The following CTNNA3 variants were observed in gnomAD, a reference collection of about 807,000 sequenced individuals.
CTNNA3 encodes the protein catenin alpha-3.
CTNNA3 carries 76 observed loss-of-function variants against 95.7 expected under a neutral mutation model. The ratio of observed to expected loss-of-function variants is 0.79; its 90% confidence interval spans 0.66 to 0.96. The LOEUF (loss-of-function observed/expected upper bound fraction) is 0.96, where lower values mean the gene tolerates loss of function less well. CTNNA3 is among the 40% of genes least tolerant of loss of function. The pLI is 0.00. For synonymous variants in CTNNA3, 431 were observed against 374.4 expected (o/e 1.15, Z -1.74); for missense variants, 1,191 against 1,089.8 (o/e 1.09, Z -1.31).
At chr10:67,216,496 C>T (rs1277746183) in intron 6 of CTNNA3, among the ~76,000 whole-genome samples, 1 of 152,142 alleles carries the variant, frequency 6.6e-6, no homozygotes, top group African/African-American at 2.4e-5. Context: ...ACTGCAAAAT[C>T]ACAAAATGGC....
At chr10:66,967,258 C>CT (rs940153898) in intron 7 of CTNNA3, among the ~76,000 whole-genome samples, 3 of 151,498 alleles carry the variant, frequency 2.0e-5, no homozygotes, top group Non-Finnish European at 4.4e-5. Context: ...AAAACATTGT[C>CT]TTATATAAGC....
intron 7 of CTNNA3, among the ~76,000 whole-genome samples, chr10:66,902,125 T>C (rs926474007): frequency 4.6e-5 from 7 of 152,154 alleles, no homozygotes; most frequent in Non-Finnish European, 8.8e-5. Context: ...GACCACATGA[T>C]TGGAAGTAAA....
At chr10:66,409,512 A>T (rs899056300) in intron 11 of CTNNA3, among the ~76,000 whole-genome samples, 15 of 152,316 alleles carry the variant, frequency 9.8e-5, no homozygotes, top group African/African-American at 3.6e-4. Flanking sequence ...TAATAAAATA[A>T]ATATAGCCAA....
At chr10:66,628,616 T>G (rs1845022318) in intron 9 of CTNNA3, among the ~76,000 whole-genome samples, 1 of 152,160 alleles carries the variant, frequency 6.6e-6, no homozygotes, top group Non-Finnish European at 1.5e-5. Context: ...AAAGGAGACT[T>G]GGGCTTCTTT....
chr10:66,401,518 AACACACACACAC>A (rs140986771), intron 11 of CTNNA3, among the ~76,000 whole-genome samples: 17,392 of 143,954 alleles, frequency 0.12, 1,338 homozygotes, highest in Middle Eastern at 0.2. Flanking sequence ...TGTGTCTCAA[AACACACACACAC>A]ACACACACAC....
intron 11 of CTNNA3, among the ~76,000 whole-genome samples, chr10:66,404,935 G>A (rs760133099): frequency 9.2e-5 from 14 of 152,172 alleles, no homozygotes; most frequent in South Asian, 2.1e-4. Context: ...TCCAAAGAGA[G>A]GGGAGATGTG....
Position 66,272,940 on chromosome 10 carries a change from C to G in CTNNA3, c.1884+7530G>C, listed in dbSNP as rs1302710594. Reference sequence around the variant, plus strand: ...TGTCTTCCACCCACAAATTTAATGCCTTTTCCATCTTAACTAAGCACTTAT... The same window carrying G: ...TGTCTTCCACCCACAAATTTAATGCGTTTTCCATCTTAACTAAGCACTTAT... On this transcript the variant is annotated intron_variant, in intron 13 of 17. Transcript: ENST00000433211. Among the ~76,000 whole-genome samples the G allele has an allele frequency of 3.3e-5, 5 of 152,138 alleles. No individual in the cohort carries two copies. The East Asian group carries it at 9.7e-4, about 29-fold the overall frequency.
intron 9 of CTNNA3, among the ~76,000 whole-genome samples, chr10:66,691,335 G>A (rs1018445149): frequency 5.3e-5 from 8 of 152,268 alleles, no homozygotes; most frequent in Admixed American, 1.3e-4. Flanking sequence ...AGGGTCCTAC[G>A]CCCATGGAGT....
At chr10:66,786,272 T>C (rs775523618) in intron 7 of CTNNA3, among the ~76,000 whole-genome samples, 15 of 152,128 alleles carry the variant, frequency 9.9e-5, no homozygotes, top group African/African-American at 1.4e-4. Context: ...TGTTTTTTTT[T>C]CTCTTGCTGG....
At chr10:67,674,646 G>A (rs868351034) in intron 1 of CTNNA3, among the ~76,000 whole-genome samples, 3 of 152,126 alleles carry the variant, frequency 2.0e-5, no homozygotes, top group Middle Eastern at 3.2e-3. Context: ...ACATGCAAAG[G>A]AGATATCACA....
chr10:66,997,103 A>G (rs1851397898), intron 7 of CTNNA3, among the ~76,000 whole-genome samples: 1 of 152,224 alleles, frequency 6.6e-6, no homozygotes, highest in Non-Finnish European at 1.5e-5. Flanking sequence ...GGCAAGAATA[A>G]GAGCAGAAGA....
chr10:67,467,456 C>A (rs1258330817), intron 5 of CTNNA3, among the ~76,000 whole-genome samples: 1 of 150,470 alleles, frequency 6.6e-6, no homozygotes, highest in African/African-American at 2.5e-5. Context: ...TCATGCCATT[C>A]AAATATTGCT....
chr10:66,025,234 C>A (rs1304636581), intron 15 of CTNNA3, among the ~76,000 whole-genome samples: 1 of 152,152 alleles, frequency 6.6e-6, no homozygotes, highest in Non-Finnish European at 1.5e-5. Context: ...TTAATGAGGA[C>A]AAGGTCACAG....
At chr10:67,277,326 G>A (rs986118244) in intron 5 of CTNNA3, among the ~76,000 whole-genome samples, 2 of 152,158 alleles carry the variant, frequency 1.3e-5, no homozygotes, top group Admixed American at 1.3e-4. Context: ...GTGGTTGTAT[G>A]CAGTTTGAAT....
chr10:66,116,353 A>G (rs1477471588), intron 13 of CTNNA3, among the ~76,000 whole-genome samples: 1 of 152,190 alleles, frequency 6.6e-6, no homozygotes, highest in Non-Finnish European at 1.5e-5. Context: ...TATACACACC[A>G]TAGAATCTAG....
chr10:66,484,698 A>T (rs996823827), intron 11 of CTNNA3, among the ~76,000 whole-genome samples: 3 of 152,084 alleles, frequency 2.0e-5, no homozygotes, highest in Non-Finnish European at 4.4e-5. Flanking sequence ...AACCTCCCAA[A>T]AAAGAAAAGC....
intron 10 of CTNNA3, among the ~76,000 whole-genome samples, chr10:66,579,975 TG>T (rs1232017322): frequency 6.6e-6 from 1 of 151,766 alleles, no homozygotes; most frequent in Non-Finnish European, 1.5e-5. Flanking sequence ...TTATCATGTT[TG>T]GGGTTTGCAT....
chr10:67,500,250 C>T (rs939001983), intron 5 of CTNNA3, among the ~76,000 whole-genome samples: 5 of 152,008 alleles, frequency 3.3e-5, no homozygotes, highest in African/African-American at 4.8e-5. Flanking sequence ...TTGAGTGAAT[C>T]TCTTAAACCT....
At chr10:67,584,594 C>T (rs887332733) in intron 3 of CTNNA3, among the ~76,000 whole-genome samples, 2 of 152,216 alleles carry the variant, frequency 1.3e-5, no homozygotes, top group African/African-American at 4.8e-5. Flanking sequence ...CTCTTCAAAG[C>T]TGTCAGACAG....
Sources: allele counts gnomAD v4.1 joint callset (sites outside exome capture counted in the v4.1 genomes callset), GRCh38; gene constraint gnomAD v4.1.1; transcripts MANE v1.5; gene names NCBI Gene and HGNC (gene_info 2026-07-23, HGNC 2026-07-21).